CCDC148: variants seen among roughly 807,000 people sequenced by gnomAD.
CCDC148 encodes coiled-coil domain containing 148.
A neutral mutation model predicts 85.7 loss-of-function variants in CCDC148; 89 were observed. The observed-to-expected ratio is 1.04, with a 90% confidence interval of 0.87 to 1.24. CCDC148 has a LOEUF of 1.24. Among genes scored for constraint, CCDC148 ranks in the 50% most tolerant of loss-of-function variants. CCDC148 has a pLI of 0.00. For synonymous variants in CCDC148, 230 were observed against 213.9 expected, an observed-to-expected ratio of 1.08 and a Z score of -0.66; for missense variants, 692 against 671.7, an observed-to-expected ratio of 1.03 and a Z score of -0.33.
chr2:158,358,345 A>T, intron 2 of CCDC148, 104 bp downstream of exon 2: 1 of 1,379,292 alleles, frequency 7.3e-7, no homozygotes, highest in Non-Finnish European at 9.9e-7. Flanking sequence ...GGAGTTTCTA[A>T]CAACTATTTG....
chr2:158,372,664 A>G (rs1411229931), intron 1 of CCDC148, among the ~76,000 whole-genome samples: 1 of 151,970 alleles, frequency 6.6e-6, no homozygotes, highest in Non-Finnish European at 1.5e-5. Context: ...CATATCCTAT[A>G]TGTAGAATTT....
chr2:158,444,416 T>G (rs1451837497), intron 1 of CCDC148, among the ~76,000 whole-genome samples: 2 of 152,154 alleles, frequency 1.3e-5, no homozygotes, highest in African/African-American at 2.4e-5. Context: ...GATTAAAATA[T>G]TAAATTTAAG....
chr2:158,175,215 G>C (rs549129571), intron 13 of CCDC148, among the ~76,000 whole-genome samples: 1 of 152,108 alleles, frequency 6.6e-6, no homozygotes, highest in South Asian at 2.1e-4. Context: ...AGACTTTTTA[G>C]CTTCTGATTT....
At chr2:158,342,703 C>T (rs1559084391) in intron 3 of CCDC148, among the ~76,000 whole-genome samples, 1 of 152,142 alleles carries the variant, frequency 6.6e-6, no homozygotes, top group Admixed American at 6.6e-5. Context: ...CACCTGAAGG[C>T]TCAAAAATGC....
At chr2:158,180,451 G>A (rs1177887698) in intron 11 of CCDC148, among the ~76,000 whole-genome samples, 1 of 152,152 alleles carries the variant, frequency 6.6e-6, no homozygotes, top group East Asian at 1.9e-4. Flanking sequence ...TCACTGCACT[G>A]TGGGAGGGGC....
intron 1 of CCDC148, among the ~76,000 whole-genome samples, chr2:158,373,325 A>G (rs1341585471): frequency 2.0e-5 from 3 of 152,072 alleles, no homozygotes; most frequent in African/African-American, 7.2e-5. Context: ...GTTATTTTGG[A>G]TGTCTGACCT....
At chr2:158,356,939 G>A (rs1229732335) in intron 2 of CCDC148, among the ~76,000 whole-genome samples, 14 of 147,234 alleles carry the variant, frequency 9.5e-5, no homozygotes, top group Non-Finnish European at 1.5e-4. Context: ...TAGGGACATG[G>A]ATGAAATTGG....
At chr2:158,378,894 C>T (rs1684760487) in intron 1 of CCDC148, among the ~76,000 whole-genome samples, 1 of 152,136 alleles carries the variant, frequency 6.6e-6, no homozygotes, top group Admixed American at 6.6e-5. Flanking sequence ...CAGCCACGAG[C>T]TCTGAAGGAG....
intron 1 of CCDC148, among the ~76,000 whole-genome samples, chr2:158,362,006 A>AC (rs942298453): frequency 6.6e-6 from 1 of 151,722 alleles, no homozygotes; most frequent in Non-Finnish European, 1.5e-5. Context: ...CAAAAAAAAA[A>AC]AAAAAAACAG....
chr2:158,183,654 C>A (rs1407671675), intron 11 of CCDC148, among the ~76,000 whole-genome samples: 1 of 152,148 alleles, frequency 6.6e-6, no homozygotes, highest in South Asian at 2.1e-4. Flanking sequence ...GGAACTCCCC[C>A]TACCACCTAA....
chr2:158,171,097 G>T lies in CCDC148; in HGVS notation c.*1016C>A, dbSNP rs909902281. On this transcript the variant is annotated 3_prime_UTR_variant, in exon 14 of 14. Coordinates refer to ENST00000283233, the MANE Select transcript of CCDC148 (RefSeq NM_138803.4). ...ATCTTTTGTGAAGATTTATTCTAAC[G>T]GGACTGTACTTGTATTTTTTATTTC... 6.6e-6 allele frequency: 1 copy of T among 151,908 alleles called. No homozygotes were observed. Among genetic ancestry groups the T allele is most frequent in the East Asian group, 1.9e-4 (1 of 5,168 alleles). The allele number at this position is 151,908 out of a possible 1,614,324, so 9.4% of individuals were successfully genotyped here.
chr2:158,222,551 C>T (rs1305979866), intron 10 of CCDC148, among the ~76,000 whole-genome samples: 2 of 152,034 alleles, frequency 1.3e-5, no homozygotes, highest in Admixed American at 6.6e-5. Flanking sequence ...ATGTAAAACT[C>T]CCTACATCTT....
intron 1 of CCDC148, among the ~76,000 whole-genome samples, chr2:158,418,832 G>A (rs1686633620): frequency 6.6e-6 from 1 of 151,922 alleles, no homozygotes; most frequent in Admixed American, 6.6e-5. Context: ...CATATAGGAA[G>A]CATACAATAA....
intron 9 of CCDC148, among the ~76,000 whole-genome samples, chr2:158,308,321 C>T (rs1250295612): frequency 6.6e-6 from 1 of 152,204 alleles, no homozygotes; most frequent in East Asian, 1.9e-4. Flanking sequence ...AATAACTTGT[C>T]ATGGCCCCTG....
intron 9 of CCDC148, among the ~76,000 whole-genome samples, chr2:158,300,115 T>C (rs547861226): frequency 2.4e-4 from 37 of 152,354 alleles, no homozygotes; most frequent in African/African-American, 8.4e-4. Context: ...ATATTCAATG[T>C]TGACAATTCA....
chr2:158,385,728 A>G (rs1436958661), intron 1 of CCDC148, among the ~76,000 whole-genome samples: 2 of 152,158 alleles, frequency 1.3e-5, no homozygotes, highest in Non-Finnish European at 2.9e-5. Flanking sequence ...GCCTCCTGAC[A>G]CTGCTGTAGG....
chr2:158,295,441 A>C (rs139199431), intron 9 of CCDC148, among the ~76,000 whole-genome samples: 2,281 of 152,138 alleles, frequency 0.015, 27 homozygotes, highest in Middle Eastern at 0.078. Context: ...TTTTAGACCA[A>C]TATCCTTGAT....
At chr2:158,312,340 T>G (rs894793973) in intron 8 of CCDC148, among the ~76,000 whole-genome samples, 1 of 152,078 alleles carries the variant, frequency 6.6e-6, no homozygotes, top group Admixed American at 6.5e-5. Flanking sequence ...AGTAAATGTA[T>G]TGGGAGGCCG....
rs555673580 is a variant in CCDC148, at chr2:158,218,266, A to G, written c.1370+2329T>C. On this transcript the variant is annotated intron_variant, in intron 11 of 13. Transcript: ENST00000283233. ...CTGTCCTCAGAAGTTATCCAGTTCAACTTTACAGAGGACAAAACAGAGCCT... is the reference window on the plus strand; with the variant it reads ...CTGTCCTCAGAAGTTATCCAGTTCAGCTTTACAGAGGACAAAACAGAGCCT... Among the ~76,000 whole-genome samples, 59 of 152,320 alleles carry G rather than the reference A, an allele frequency of 3.9e-4. No homozygotes were observed. In the South Asian group the frequency reaches 0.011, roughly 28 times the overall value.
Sources: gnomAD v4.1 joint callset for allele counts (sites outside exome capture counted in the v4.1 genomes callset) on GRCh38, gnomAD v4.1.1 for gene constraint, MANE v1.5 for transcripts, NCBI Gene and HGNC (gene_info 2026-07-23, HGNC 2026-07-21) for gene names.